The following PPP1R15B variants were observed in gnomAD, a reference collection of about 807,000 sequenced individuals.
PPP1R15B encodes protein phosphatase 1, regulatory (inhibitor) subunit 15B.
In PPP1R15B, 31 loss-of-function variants were observed where a neutral mutation model predicts 53.9. The ratio of observed to expected loss-of-function variants is 0.58; its 90% confidence interval spans 0.43 to 0.78. The LOEUF (loss-of-function observed/expected upper bound fraction) is 0.78. Among genes scored for constraint, PPP1R15B ranks in the 30% least tolerant of loss-of-function variants. The probability of loss-of-function intolerance (pLI) is 0.00; values close to 1 mark genes in which losing one functional copy is unlikely to be tolerated. For synonymous variants in PPP1R15B, 345 were observed against 329.1 expected (o/e 1.05, Z -0.52); for missense variants, 928 against 849.6 (o/e 1.09, Z -1.15).
intron 1 of PPP1R15B, among the ~76,000 whole-genome samples, chr1:204,407,478 A>G (rs1371171465): frequency 6.6e-6 from 1 of 152,192 alleles, no homozygotes; most frequent in Non-Finnish European, 1.5e-5. Context: ...AAAAGTAAAT[A>G]CTTGCTTTCA....
Position 204,405,187 on chromosome 1 carries a change from T to C in PPP1R15B, c.*905A>G, listed in dbSNP as rs1481790532. The stretch of plus-strand genomic sequence containing the variant: ...ACCAAAACCAAATTGCTCTGAGATG[T>C]CTCCTATTTTCTTTCTAGGAAATTT... On this transcript the variant is annotated 3_prime_UTR_variant, in exon 2 of 2. Coordinates refer to ENST00000367188, the MANE Select transcript of PPP1R15B (RefSeq NM_032833.5). The C allele has an allele frequency of 1.0e-6, 1 of 984,988 alleles. No individual in the cohort carries two copies. Among genetic ancestry groups the C allele is most frequent in the African/African-American group, 1.7e-5 (1 of 57,216 alleles). 61.0% of individuals were successfully genotyped at this position (984,988 alleles called of 1,614,324 possible). A position where few individuals can be genotyped will look rare whatever the true frequency, so the allele number is the denominator to read the frequency against.
rs1674210363 is a variant in PPP1R15B, at chr1:204,403,409, A to T, written c.*2683T>A. ...ACATTTAATAATTGCAAATATATTT[A>T]TTACAATTTACAGATTAGTTATGTT... On this transcript the variant is annotated 3_prime_UTR_variant, in exon 2 of 2. Transcript: ENST00000367188. 1.4e-6 allele frequency: 1 copy of T among 712,410 alleles called. No individual in the cohort carries two copies. The highest frequency in any genetic ancestry group is 1.9e-5 in the African/African-American group (1 of 51,712). 44.1% of individuals were successfully genotyped at this position (712,410 alleles called of 1,614,324 possible). A position where few individuals can be genotyped will look rare whatever the true frequency, so the allele number is the denominator to read the frequency against.
chr1:204,403,501 A>T lies in PPP1R15B; in HGVS notation c.*2591T>A. 1 of 935,544 alleles carries T rather than the reference A, an allele frequency of 1.1e-6. No homozygotes were observed. The highest frequency in any genetic ancestry group is 1.3e-6 in the Non-Finnish European group (1 of 784,116). 58.0% of individuals were successfully genotyped at this position (935,544 alleles called of 1,614,324 possible). A position where few individuals can be genotyped will look rare whatever the true frequency, so the allele number is the denominator to read the frequency against. On this transcript the variant is annotated 3_prime_UTR_variant, in exon 2 of 2. Coordinates refer to ENST00000367188, the MANE Select transcript of PPP1R15B (RefSeq NM_032833.5). ...TACATTTAAATTATTGATCTGTAGA[A>T]GCCAATTTAGAGTCTTCTAGTCCCC...
In PPP1R15B at chr1:204,409,537, A is replaced by G; in HGVS notation, c.1875T>C (p.Arg625=). 1 of 1,613,988 alleles carries G rather than the reference A, an allele frequency of 6.2e-7. No homozygotes were observed. The highest frequency in any genetic ancestry group is 8.5e-7 in the Non-Finnish European group (1 of 1,179,946). ...QESECPDSVQ[R]DVLSGGRHTH... is the part of the protein sequence containing the mutation. ...TGTGTCTTCCTCCAGAAAGAACGTCACGCTGTACCGAGTCTGGACATTCAC... is the reference window on the plus strand; with the variant it reads ...TGTGTCTTCCTCCAGAAAGAACGTCGCGCTGTACCGAGTCTGGACATTCAC... Residue 625 remains arginine, a synonymous_variant, in exon 1 of 2, where the codon CGT becomes CGC. Transcript: ENST00000367188.
downstream of PPP1R15B, among the ~76,000 whole-genome samples, chr1:204,399,518 T>C (rs532658027): frequency 2.6e-5 from 4 of 151,740 alleles, no homozygotes; most frequent in Admixed American, 6.6e-5. Flanking sequence ...GATTGCACCA[T>C]TGCACTCCAG....
chr1:204,408,553 C>T (rs969202931), intron 1 of PPP1R15B, among the ~76,000 whole-genome samples: 2 of 152,156 alleles, frequency 1.3e-5, no homozygotes, highest in African/African-American at 4.8e-5. Flanking sequence ...TAATAACTCA[C>T]CCACTAACTT....
chr1:204,397,674 A>G (rs534775227), downstream of PPP1R15B, among the ~76,000 whole-genome samples: 1 of 152,356 alleles, frequency 6.6e-6, no homozygotes, highest in Admixed American at 6.5e-5. Flanking sequence ...AAACATATAC[A>G]ATTTTTGTCA....
chr1:204,406,384 T>C (rs1572254092), intron 1 of PPP1R15B, 71 bp from the exon 2 acceptor site: 1 of 1,535,608 alleles, frequency 6.5e-7, no homozygotes. Flanking sequence ...AATAACCCTT[T>C]ATGCTACCAA....
chr1:204,405,127 T>C lies in PPP1R15B; in HGVS notation c.*965A>G. The C allele has an allele frequency of 1.0e-6, 1 of 985,854 alleles. No homozygotes were observed. Among genetic ancestry groups the C allele is most frequent in the South Asian group, 4.7e-5 (1 of 21,292 alleles). The allele number at this position is 985,854 out of a possible 1,614,324, so 61.1% of individuals were successfully genotyped here. A position where few individuals can be genotyped will look rare whatever the true frequency, so the allele number is the denominator to read the frequency against. On this transcript the variant is annotated 3_prime_UTR_variant, in exon 2 of 2. Transcript: ENST00000367188. ...AAAGTGACAGTGCTGAGGCATGATATTCATTAACACTGGTTTTCTGTTGAG... is the reference window on the plus strand; with the variant it reads ...AAAGTGACAGTGCTGAGGCATGATACTCATTAACACTGGTTTTCTGTTGAG...
At chr1:204,406,726 T>C (rs1674270861) in intron 1 of PPP1R15B, among the ~76,000 whole-genome samples, 1 of 149,076 alleles carries the variant, frequency 6.7e-6, no homozygotes, top group Non-Finnish European at 1.5e-5. Flanking sequence ...CACTCTAGCC[T>C]GTGCAACAAG....
At position 204,411,780 on chromosome 1, in the gene PPP1R15B, G is replaced by T; in HGVS notation, c.-369C>A. 3.9e-6 allele frequency: 1 copy of T among 259,318 alleles called. No homozygotes were observed. Among genetic ancestry groups the T allele is most frequent in the Non-Finnish European group, 7.5e-6 (1 of 133,646 alleles). The allele number at this position is 259,318 out of a possible 1,614,324, so 16.1% of individuals were successfully genotyped here. A position where few individuals can be genotyped will look rare whatever the true frequency, so the allele number is the denominator to read the frequency against. Reference sequence around the variant, plus strand: ...GAGCAACGCGATACCGGAAGGACTGGGTAGGCCGGCTGGTGCGGTGGAAGC... The same window carrying T: ...GAGCAACGCGATACCGGAAGGACTGTGTAGGCCGGCTGGTGCGGTGGAAGC... On this transcript the variant is annotated 5_prime_UTR_variant, in exon 1 of 2. Coordinates refer to ENST00000367188, the MANE Select transcript of PPP1R15B (RefSeq NM_032833.5).
downstream of PPP1R15B, chr1:204,400,793 TA>T (rs1162336156): frequency 1.1e-6 from 1 of 873,012 alleles, no homozygotes; most frequent in Non-Finnish European, 1.4e-6. Context: ...TAGGGATCTA[TA>T]AAACAGTAGT....
chr1:204,411,486 C>A lies in PPP1R15B; in HGVS notation c.-75G>T. 1 of 1,536,450 alleles carries A rather than the reference C, an allele frequency of 6.5e-7. No individual in the cohort carries two copies. Among genetic ancestry groups the A allele is most frequent in the Non-Finnish European group, 8.7e-7 (1 of 1,147,840 alleles). On this transcript the variant is annotated 5_prime_UTR_variant, in exon 1 of 2. Coordinates refer to ENST00000367188, the MANE Select transcript of PPP1R15B (RefSeq NM_032833.5). ...GGAGGTCGACGGGATTCGGAGGAAG[C>A]CTACAGAGTCTCGGCCTTGCCCAGC...
In PPP1R15B at chr1:204,409,645, CTTT is replaced by C. The variant is rs764878882; in HGVS notation, c.1764_1766del (p.Lys589del). On this transcript the variant is annotated inframe_deletion, in exon 1 of 2. Transcript: ENST00000367188. ...TGGCCACAATGGACTCAGATGGGGT[CTTT>C]GAGTCACGACAGCCTTTCTCATTTT... 228 of 1,613,984 alleles carry C rather than the reference CTTT, an allele frequency of 1.4e-4. No individual in the cohort carries two copies. The highest frequency in any genetic ancestry group is 1.9e-4 in the Non-Finnish European group (220 of 1,180,030).
intron 1 of PPP1R15B, among the ~76,000 whole-genome samples, chr1:204,407,081 T>C (rs1287336219): frequency 1.3e-5 from 2 of 152,222 alleles, no homozygotes. Context: ...ACTATATCCC[T>C]GGAAGTCACT....
rs556642385 is a variant in PPP1R15B, at chr1:204,405,282, C to T, written c.*810G>A. Reference sequence around the variant, plus strand: ...TACTTTCCAGAGTGTTTTGCAATAACTTCAACCTGTTAAGAGATACAAAGA... The same window carrying T: ...TACTTTCCAGAGTGTTTTGCAATAATTTCAACCTGTTAAGAGATACAAAGA... On this transcript the variant is annotated 3_prime_UTR_variant, in exon 2 of 2. Transcript: ENST00000367188. The T allele has an allele frequency of 1.4e-5, 14 of 978,954 alleles. No individual in the cohort carries two copies. In the South Asian group the frequency reaches 5.7e-4, roughly 40 times the overall value. 60.6% of individuals were successfully genotyped at this position (978,954 alleles called of 1,614,324 possible). A position where few individuals can be genotyped will look rare whatever the true frequency, so the allele number is the denominator to read the frequency against.
Position 204,403,744 on chromosome 1 carries a change from T to TA in PPP1R15B, c.*2347dup. The TA allele has an allele frequency of 1.0e-6, 1 of 985,512 alleles. No homozygotes were observed. Among genetic ancestry groups the TA allele is most frequent in the Non-Finnish European group, 1.2e-6 (1 of 829,582 alleles). The allele number at this position is 985,512 out of a possible 1,614,324, so 61.0% of individuals were successfully genotyped here. The stretch of plus-strand genomic sequence containing the variant: ...CCTCCAAAGATTTTCTCTTTAAGAT[T>TA]ACGGGGGTTTAACTTTGTTCTAACT... On this transcript the variant is annotated 3_prime_UTR_variant, in exon 2 of 2. Coordinates refer to ENST00000367188, the MANE Select transcript of PPP1R15B (RefSeq NM_032833.5).
At position 204,409,616 on chromosome 1, in the gene PPP1R15B, G is replaced by C. The variant is rs1267703792; in HGVS notation, c.1796C>G (p.Ser599Cys). ...ACAAGAAAGTAAGGTGTGACACTCA[G>C]AAATGGCCACAATGGACTCAGATGG... ...KTPSESIVAI[S>C]ECHTLLSCKV... The change falls in exon 1 of 2, where the codon TCT becomes TGT. Residue 599 changes from serine (S) to cysteine (C), a missense_variant. Transcript: ENST00000367188. 6.2e-7 allele frequency: 1 copy of C among 1,614,176 alleles called. No homozygotes were observed. Among genetic ancestry groups the C allele is most frequent in the Middle Eastern group, 1.6e-4 (1 of 6,062 alleles).
intron 1 of PPP1R15B, among the ~76,000 whole-genome samples, chr1:204,407,222 A>G (rs868011204): frequency 6.6e-6 from 1 of 152,228 alleles, no homozygotes; most frequent in Non-Finnish European, 1.5e-5. Flanking sequence ...TACTTTGGCA[A>G]TAACAATACA....
Sources: allele counts gnomAD v4.1 joint callset (sites outside exome capture counted in the v4.1 genomes callset), GRCh38; gene constraint gnomAD v4.1.1; transcripts MANE v1.5; gene names NCBI Gene and HGNC (gene_info 2026-07-23, HGNC 2026-07-21).